The following DST variants were observed in gnomAD, a reference collection of about 807,000 sequenced individuals.
The protein encoded by DST is bullous pemphigoid antigen.
A neutral mutation model predicts 875.2 loss-of-function variants in DST; 253 were observed. That is an observed-to-expected ratio of 0.29 (90% CI 0.26 to 0.32). The LOEUF (loss-of-function observed/expected upper bound fraction) is 0.32. Among genes scored for constraint, DST ranks in the 10% least tolerant of loss-of-function variants. DST has a pLI of 1.00. For missense variants in DST, 8,287 were observed against 9,111.6 expected, an observed-to-expected ratio of 0.91 and a Z score of 3.68; for synonymous variants, 3,124 against 3,197.1, an observed-to-expected ratio of 0.98 and a Z score of 0.77.
chr6:56,604,383 A>C lies in DST; in HGVS notation c.10245T>G (p.Ser3415=), dbSNP rs924915953. The change falls in exon 40 of 104, where the codon TCT becomes TCG. Residue 3415 remains serine (S), a synonymous_variant. Transcript: ENST00000680361. ...VPSDSQMSDS[S]GVSPMTNSSE... The stretch of plus-strand genomic sequence containing the variant: ...ATGAGTTAGTCATGGGGGAAACTCC[A>C]GAAGAGTCACTCATTTGAGAGTCGC... 1.6e-5 allele frequency: 25 copies of C among 1,611,890 alleles called. 1 individual carries two copies. The highest frequency in any genetic ancestry group is 4.4e-5 in the South Asian group (4 of 90,910).
At chr6:56,563,580 T>C (rs1278375747) in intron 55 of DST, among the ~76,000 whole-genome samples, 1 of 152,216 alleles carries the variant, frequency 6.6e-6, no homozygotes, top group Non-Finnish European at 1.5e-5. Flanking sequence ...AGAAGCTCTT[T>C]AATTAGATCC....
intron 4 of DST, among the ~76,000 whole-genome samples, chr6:56,793,040 G>A (rs545567791): frequency 1.8e-4 from 21 of 116,064 alleles, no homozygotes; most frequent in African/African-American, 6.9e-4. Flanking sequence ...CTGCACTCCA[G>A]CCTGGACAAC....
In DST at chr6:56,832,766, T is replaced by G. The variant is rs181138074; in HGVS notation, c.625+18631A>C. Among the ~76,000 whole-genome samples, 1,004 of 152,236 alleles carry G rather than the reference T, an allele frequency of 6.6e-3. 4 individuals are homozygous for G. The highest frequency in any genetic ancestry group is 9.5e-3 in the Non-Finnish European group (646 of 68,022). On this transcript the variant is annotated intron_variant, in intron 4 of 103. Coordinates refer to ENST00000680361, the MANE Select transcript of DST (RefSeq NM_001374736.1). ...TTCTTTTTTTGTTTTTGAGACAGAG[T>G]TTTGCTCTTATCGCCCAGGCTGGAG...
chr6:56,921,539 T>C (rs1294426938), intron 2 of DST, among the ~76,000 whole-genome samples: 1 of 152,230 alleles, frequency 6.6e-6, no homozygotes, highest in African/African-American at 2.4e-5. Context: ...TAAAATCAAA[T>C]ATCAAAATAA....
Position 56,606,857 on chromosome 6 carries a change from CAT to C in DST, c.7769_7770del (p.Tyr2590Ter). ...TGCTGATCATTCAGCAGTGACGTTT[CAT>C]AGTCACTAGCACTGATGGTTTCATC... Reference protein sequence around the residue: ...LLDETISASDYETSLLNDQQN... With the variant: ...LLDETISASDXETSLLNDQQN... On this transcript the variant is annotated frameshift_variant, in exon 40 of 104. Coordinates refer to ENST00000680361, the MANE Select transcript of DST (RefSeq NM_001374736.1). LOFTEE classifies it high-confidence loss of function. 1 of 1,613,228 alleles carries C rather than the reference CAT, an allele frequency of 6.2e-7. No individual in the cohort carries two copies. The highest frequency in any genetic ancestry group is 8.5e-7 in the Non-Finnish European group (1 of 1,179,466).
chr6:56,616,775 A>G (rs1563214136), intron 36 of DST: 1 of 1,614,210 alleles, frequency 6.2e-7, no homozygotes, highest in East Asian at 2.2e-5. Context: ...TCTATTTTCC[A>G]TAGCTTGAAA....
intron 61 of DST, among the ~76,000 whole-genome samples, chr6:56,538,323 C>A (rs546068964): frequency 1.1e-4 from 17 of 152,046 alleles, no homozygotes; most frequent in African/African-American, 3.9e-4. Context: ...TTGGAGGATG[C>A]CATGAGGAAA....
intron 2 of DST, among the ~76,000 whole-genome samples, chr6:56,925,702 T>G (rs1806706155): frequency 6.6e-6 from 1 of 152,226 alleles, no homozygotes. Flanking sequence ...CCAAGTTCTC[T>G]TTATATTTAT....
At chr6:56,786,257 T>C in intron 4 of DST, among the ~76,000 whole-genome samples, 1 of 152,240 alleles carries the variant, frequency 6.6e-6, no homozygotes, top group South Asian at 2.1e-4. Context: ...GTAGTCTTTA[T>C]TGCTTTCAGG....
intron 4 of DST, among the ~76,000 whole-genome samples, chr6:56,804,094 T>C (rs1229985025): frequency 6.6e-6 from 1 of 152,210 alleles, no homozygotes; most frequent in Admixed American, 6.5e-5. Context: ...ATAGATTTCA[T>C]TTACAAAATC....
intron 9 of DST, among the ~76,000 whole-genome samples, chr6:56,687,362 C>T (rs1337113256): frequency 5.3e-5 from 8 of 152,134 alleles, no homozygotes; most frequent in East Asian, 3.8e-4. Flanking sequence ...AGAGTAAAAC[C>T]TTAACATCGG....
chr6:56,819,061 A>G (rs1464509404), intron 4 of DST, among the ~76,000 whole-genome samples: 2 of 152,206 alleles, frequency 1.3e-5, no homozygotes, highest in East Asian at 3.8e-4. Context: ...ACCAAGGATG[A>G]CAAGTCTAGT....
At chr6:56,795,439 A>G (rs2153012023) in intron 4 of DST, among the ~76,000 whole-genome samples, 2 of 152,326 alleles carry the variant, frequency 1.3e-5, no homozygotes, top group South Asian at 4.1e-4. Flanking sequence ...AAATTAACAT[A>G]AACTTCCAGA....
chr6:56,662,588 T>A (rs1483854917), intron 10 of DST, among the ~76,000 whole-genome samples: 1 of 152,156 alleles, frequency 6.6e-6, no homozygotes, highest in Non-Finnish European at 1.5e-5. Context: ...CTTTTTCAGT[T>A]TTCTGCTTCA....
At chr6:56,577,711 G>A (rs934750609) in intron 50 of DST, among the ~76,000 whole-genome samples, 3 of 151,868 alleles carry the variant, frequency 2.0e-5, no homozygotes, top group African/African-American at 7.3e-5. Context: ...CATCTGTTGT[G>A]GAATATTTTT....
chr6:56,548,025 G>C (rs762675987), intron 61 of DST, among the ~76,000 whole-genome samples: 1 of 152,146 alleles, frequency 6.6e-6, no homozygotes, highest in Non-Finnish European at 1.5e-5. Flanking sequence ...GCAACAGAGT[G>C]GCCAGAAATA....
intron 3 of DST, among the ~76,000 whole-genome samples, chr6:56,900,007 T>G (rs750501156): frequency 6.6e-6 from 1 of 151,832 alleles, no homozygotes; most frequent in Non-Finnish European, 1.5e-5. Context: ...GTTCAGCCAC[T>G]GCTACTGCCC....
chr6:56,528,177 C>T (rs1345035293), intron 67 of DST, among the ~76,000 whole-genome samples: 1 of 152,192 alleles, frequency 6.6e-6, no homozygotes, highest in Non-Finnish European at 1.5e-5. Flanking sequence ...TTTGCCTCTA[C>T]CTCATTTTTT....
intron 3 of DST, among the ~76,000 whole-genome samples, chr6:56,870,293 T>C (rs1776399022): frequency 6.6e-6 from 1 of 151,818 alleles, no homozygotes; most frequent in Non-Finnish European, 1.5e-5. Flanking sequence ...TAGCCAATCA[T>C]CTATCGCCTG....
Sources: gnomAD v4.1 joint callset for allele counts (sites outside exome capture counted in the v4.1 genomes callset) on GRCh38, gnomAD v4.1.1 for gene constraint, MANE v1.5 for transcripts, NCBI Gene and HGNC (gene_info 2026-07-23, HGNC 2026-07-21) for gene names.